SORCS1: variants seen among roughly 807,000 people sequenced by gnomAD.
SORCS1 encodes the protein sortilin related VPS10 domain containing receptor 1.
A neutral mutation model predicts 146.1 loss-of-function variants in SORCS1; 60 were observed. The ratio of observed to expected loss-of-function variants is 0.41; its 90% CI spans 0.33 to 0.51. The LOEUF is 0.51. Ranked by LOEUF, SORCS1 falls within the 20% of genes least tolerant of loss-of-function variation. The pLI, the probability that SORCS1 is intolerant of heterozygous loss-of-function variation, is 0.21. For missense variants in SORCS1, 1,352 were observed against 1,487.6 expected (o/e 0.91, Z 1.50); for synonymous variants, 637 against 584.0 (o/e 1.09, Z -1.31).
At chr10:106,937,999 G>A (rs891315573) in intron 2 of SORCS1, among the ~76,000 whole-genome samples, 1 of 150,262 alleles carries the variant, frequency 6.7e-6, no homozygotes, top group Non-Finnish European at 1.5e-5. Context: ...AAGAAAGAAA[G>A]GAAGTGGTCT....
In SORCS1 at chr10:106,709,344, G is replaced by A. The variant is rs1554905203; in HGVS notation, c.1025-3C>T. On this transcript the variant is annotated splice_region_variant and splice_polypyrimidine_tract_variant and intron_variant, in intron 6 of 25. Transcript: ENST00000263054. ...TCGGCAAGTTAGATAATGTGAATCT[G>A]AAAAACAAAAACAAAAACAAAAACA... The A allele has an allele frequency of 1.9e-6, 3 of 1,602,540 alleles. No homozygotes were observed. Among genetic ancestry groups the A allele is most frequent in the Non-Finnish European group, 2.6e-6 (3 of 1,171,786 alleles).
chr10:106,604,438 G>A (rs1016048089), intron 23 of SORCS1, among the ~76,000 whole-genome samples: 5 of 152,108 alleles, frequency 3.3e-5, no homozygotes, highest in African/African-American at 4.8e-5. Context: ...TTCCATCAGG[G>A]TAATAATGTT....
chr10:106,750,599 GAT>G, intron 5 of SORCS1, among the ~76,000 whole-genome samples: 1 of 149,990 alleles, frequency 6.7e-6, no homozygotes, highest in Non-Finnish European at 1.5e-5. Flanking sequence ...CTTGGTGGCG[GAT>G]GCCTGTAGTC....
At chr10:106,933,208 A>C (rs2138618143) in intron 2 of SORCS1, among the ~76,000 whole-genome samples, 1 of 152,346 alleles carries the variant, frequency 6.6e-6, no homozygotes, top group Middle Eastern at 3.4e-3. Context: ...TCAGTCAAGC[A>C]AACCCCAGAA....
intron 5 of SORCS1, among the ~76,000 whole-genome samples, chr10:106,748,034 C>T (rs1224747515): frequency 6.6e-6 from 1 of 152,188 alleles, no homozygotes; most frequent in African/African-American, 2.4e-5. Flanking sequence ...TTCCAAAATG[C>T]AAATTTTTTC....
intron 1 of SORCS1, among the ~76,000 whole-genome samples, chr10:107,130,540 C>G (rs998697133): frequency 1.3e-5 from 2 of 152,188 alleles, no homozygotes; most frequent in African/African-American, 4.8e-5. Context: ...AGGAGTTCAA[C>G]ATCGTAACAA....
chr10:106,730,958 G>A (rs1856550556), intron 5 of SORCS1, among the ~76,000 whole-genome samples: 1 of 151,928 alleles, frequency 6.6e-6, no homozygotes, highest in Non-Finnish European at 1.5e-5. Context: ...CCCTCTGCCT[G>A]CCCCCAGCCA....
chr10:106,691,594 A>T (rs141230844), intron 9 of SORCS1, among the ~76,000 whole-genome samples: 25 of 152,276 alleles, frequency 1.6e-4, no homozygotes, highest in Non-Finnish European at 3.1e-4. Flanking sequence ...TGCCAACGTG[A>T]TGGTCTCAGA....
intron 1 of SORCS1, among the ~76,000 whole-genome samples, chr10:106,963,218 C>T (rs1299124224): frequency 2.7e-5 from 4 of 150,064 alleles, no homozygotes; most frequent in Non-Finnish European, 5.9e-5. Context: ...CGGGTTCACG[C>T]CATTCTCCTG....
intron 21 of SORCS1, among the ~76,000 whole-genome samples, chr10:106,616,726 G>A (rs555487187): frequency 4.6e-5 from 7 of 152,254 alleles, no homozygotes; most frequent in Admixed American, 1.3e-4. Flanking sequence ...AGCCATGAAA[G>A]GAATAGTGTC....
chr10:106,957,541 A>T (rs1413378564), intron 1 of SORCS1, among the ~76,000 whole-genome samples: 1 of 152,040 alleles, frequency 6.6e-6, no homozygotes, highest in East Asian at 1.9e-4. Flanking sequence ...CTTTCTTCTG[A>T]CTTCCAATTT....
chr10:107,145,111 C>A (rs532660164), intron 1 of SORCS1, among the ~76,000 whole-genome samples: 1 of 152,262 alleles, frequency 6.6e-6, no homozygotes, highest in East Asian at 1.9e-4. Flanking sequence ...TTATGTCCAT[C>A]AGCAAACAAC....
intron 1 of SORCS1, among the ~76,000 whole-genome samples, chr10:107,048,680 C>T (rs546912057): frequency 6.6e-6 from 1 of 152,278 alleles, no homozygotes; most frequent in South Asian, 2.1e-4. Context: ...TGGAAGCTTA[C>T]TTAAGTGTAC....
At chr10:106,577,860 A>G (rs1235781692) in intron 25 of SORCS1, 2 of 253,984 alleles carry the variant, frequency 7.9e-6, no homozygotes, top group East Asian at 1.9e-4. Context: ...CTCTCCAAAT[A>G]AAAGAAAGTG....
At chr10:107,123,675 G>C (rs759894812) in intron 1 of SORCS1, among the ~76,000 whole-genome samples, 2 of 152,148 alleles carry the variant, frequency 1.3e-5, no homozygotes. Context: ...GTTTAAATTT[G>C]CAGGCCCTGG....
intron 11 of SORCS1, 49 bp from the exon 12 acceptor site, chr10:106,679,381 A>G (rs774414820): frequency 1.1e-5 from 16 of 1,443,300 alleles, no homozygotes; most frequent in Admixed American, 1.7e-5. Context: ...TGCAAAAGCA[A>G]CAATGGACTA....
At chr10:106,591,951 C>T (rs1564751982) in intron 24 of SORCS1, among the ~76,000 whole-genome samples, 2 of 152,188 alleles carry the variant, frequency 1.3e-5, no homozygotes, top group African/African-American at 4.8e-5. Flanking sequence ...TGCTTCCAGT[C>T]TAACACTAGC....
intron 18 of SORCS1, 69 bp downstream of exon 18, chr10:106,652,313 C>T (rs1321417312): frequency 2.8e-6 from 4 of 1,427,932 alleles, no homozygotes; most frequent in Non-Finnish European, 3.7e-6. Flanking sequence ...GATATGGAAA[C>T]AAAACCATGG....
chr10:107,177,392 A>G, the SORCS1 span, among the ~76,000 whole-genome samples: 1 of 152,212 alleles, frequency 6.6e-6, no homozygotes, highest in African/African-American at 2.4e-5. Context: ...AATTACAATC[A>G]GGATATTGAT....
Sources: allele counts gnomAD v4.1 joint callset (sites outside exome capture counted in the v4.1 genomes callset), GRCh38; gene constraint gnomAD v4.1.1; transcripts MANE v1.5; gene names NCBI Gene and HGNC (gene_info 2026-07-23, HGNC 2026-07-21).